The following ZNF555 variants were observed in gnomAD, a reference collection of about 807,000 sequenced individuals.
ZNF555 encodes the protein zinc finger protein 555.
In ZNF555, 10 loss-of-function variants were observed where a neutral mutation model predicts 14.0. That is an observed-to-expected ratio of 0.72 (90% CI 0.44 to 1.21). The LOEUF is 1.21. Among genes scored for constraint, ZNF555 ranks in the 50% most tolerant of loss-of-function variants. The pLI is 0.00. For synonymous variants in ZNF555, 277 were observed against 262.4 expected, an observed-to-expected ratio of 1.06 and a Z score of -0.54; for missense variants, 747 against 762.0, an observed-to-expected ratio of 0.98 and a Z score of 0.23.
At chr19:2,847,776 A>G (rs976050949) in intron 1 of ZNF555, among the ~76,000 whole-genome samples, 1 of 152,342 alleles carries the variant, frequency 6.6e-6, no homozygotes, top group African/African-American at 2.4e-5. Flanking sequence ...AGTCACAGGT[A>G]CCAGGAATTA....
intron 3 of ZNF555, 82 bp from the exon 4 acceptor site, chr19:2,852,298 A>G (rs2087636757): frequency 1.9e-6 from 3 of 1,545,360 alleles, no homozygotes; most frequent in African/African-American, 1.4e-5. Flanking sequence ...TTTCACTGAA[A>G]ATGGTTAAGA....
At chr19:2,842,310 A>G (rs2087544550) in intron 1 of ZNF555, among the ~76,000 whole-genome samples, 3 of 152,214 alleles carry the variant, frequency 2.0e-5, no homozygotes. Flanking sequence ...AAAAAAAACA[A>G]GGGTTCCTGG....
rs115279075 is a variant in ZNF555, at chr19:2,851,903, C to A, written c.314+252C>A. Among the ~76,000 whole-genome samples the A allele has an allele frequency of 7.9e-3, 1,197 of 152,282 alleles. 13 individuals are homozygous for A. Among genetic ancestry groups the A allele is most frequent in the African/African-American group, 0.028 (1,152 of 41,542 alleles). On this transcript the variant is annotated intron_variant, in intron 3 of 3. Transcript: ENST00000334241. Reference sequence around the variant, plus strand: ...CGGTGGCTCACACCTGTAATCCTGGCACTTTGGAAGGCTGAAGTGGGCAGA... The same window carrying A: ...CGGTGGCTCACACCTGTAATCCTGGAACTTTGGAAGGCTGAAGTGGGCAGA...
At position 2,853,153 on chromosome 19, in the gene ZNF555, C is replaced by A; in HGVS notation, c.1088C>A (p.Thr363Asn). The change falls in exon 4 of 4, where the codon ACT becomes AAT. Residue 363 changes from threonine (T) to asparagine (N), a missense_variant. Thr to Asn is a moderately conservative substitution (Grantham distance 65). Transcript: ENST00000334241. ...TTTCGAAGACATGAAAGGATTCACACTGGAGAGAAACCCTACGAATGCAAA... is the reference window on the plus strand; with the variant it reads ...TTTCGAAGACATGAAAGGATTCACAATGGAGAGAAACCCTACGAATGCAAA... ...QSFRRHERIH[T>N]GEKPYECKQC... 1 of 1,614,034 alleles carries A rather than the reference C, an allele frequency of 6.2e-7. No individual in the cohort carries two copies. Among genetic ancestry groups the A allele is most frequent in the Admixed American group, 1.7e-5 (1 of 60,012 alleles).
In ZNF555 at chr19:2,853,982, G is replaced by C. The variant is rs1446358210; in HGVS notation, c.*30G>C. 6.2e-7 allele frequency: 1 copy of C among 1,610,470 alleles called. No homozygotes were observed. The highest frequency in any genetic ancestry group is 8.5e-7 in the Non-Finnish European group (1 of 1,179,320). ...CTTATCCTGAAAGTGGACACTCAAG[G>C]AGTGTGTCTGTAGTTCATTTGCAAA... is the stretch of plus-strand genomic sequence containing the variant. On this transcript the variant is annotated 3_prime_UTR_variant, in exon 4 of 4. Transcript: ENST00000334241.
In ZNF555 at chr19:2,853,422, G is replaced by C; in HGVS notation, c.1357G>C (p.Glu453Gln). The change falls in exon 4 of 4, where the codon GAA becomes CAA. Residue 453 changes from glutamate to glutamine, a missense_variant. By Grantham distance (29) the Glu-to-Gln change is conservative. Transcript: ENST00000334241. ...AACACATACTAGAGAGAAACCCTAT[G>C]AATGTAAGCAGTGTGGGAAAGCCTT... is the stretch of plus-strand genomic sequence containing the variant. ...MRTHTREKPY[E>Q]CKQCGKAFSL... The C allele has an allele frequency of 6.2e-7, 1 of 1,614,114 alleles. No individual in the cohort carries two copies. The highest frequency in any genetic ancestry group is 1.3e-5 in the African/African-American group (1 of 75,054).
At chr19:2,847,933 T>A (rs1477226450) in intron 1 of ZNF555, among the ~76,000 whole-genome samples, 1 of 152,148 alleles carries the variant, frequency 6.6e-6, no homozygotes, top group East Asian at 1.9e-4. Context: ...CAGCCTTTTT[T>A]TTAACCAGCA....
rs2087710074 is a variant in ZNF555 at position 2,859,174 on chromosome 19, T to G, written c.*5222T>G. ...GGCTCGCGTCTAAAAGAGCTGTGCT[T>G]TGTTGGGGCTATCTGGGAGTTTCCG... On this transcript the variant is annotated 3_prime_UTR_variant, in exon 4 of 4. Coordinates refer to ENST00000334241, the MANE Select transcript of ZNF555 (RefSeq NM_152791.5). 1 of 152,154 alleles carries G rather than the reference T, an allele frequency of 6.6e-6. No homozygotes were observed. Among genetic ancestry groups the G allele is most frequent in the Non-Finnish European group, 1.5e-5 (1 of 68,030 alleles). The allele number at this position is 152,154 out of a possible 1,614,324, so 9.4% of individuals were successfully genotyped here. A position where few individuals can be genotyped will look rare whatever the true frequency, so the allele number is the denominator to read the frequency against.
rs1392563643 is a variant in ZNF555, at chr19:2,856,460, C to T, written c.*2508C>T. 6.6e-6 allele frequency: 1 copy of T among 152,212 alleles called. No homozygotes were observed. Among genetic ancestry groups the T allele is most frequent in the African/African-American group, 2.4e-5 (1 of 41,450 alleles). The allele number at this position is 152,212 out of a possible 1,614,324, so 9.4% of individuals were successfully genotyped here. A position where few individuals can be genotyped will look rare whatever the true frequency, so the allele number is the denominator to read the frequency against. ...CCTCAGGTGATCTGCCCACCTTGGC[C>T]TCCCAAAGTGTTGGGATTACAGGCA... is the stretch of plus-strand genomic sequence containing the variant. On this transcript the variant is annotated 3_prime_UTR_variant, in exon 4 of 4. Transcript: ENST00000334241.
chr19:2,843,860 CTTTG>C (rs1203674141), intron 1 of ZNF555, among the ~76,000 whole-genome samples: 3 of 151,898 alleles, frequency 2.0e-5, no homozygotes, highest in Non-Finnish European at 4.4e-5. Context: ...TGTCCCTTTA[CTTTG>C]TTTTTTTGTT....
rs2087566891 is a variant in ZNF555 at position 2,844,533 on chromosome 19, C to T, written c.3+2958C>T. Among the ~76,000 whole-genome samples the T allele has an allele frequency of 4.6e-5, 7 of 152,366 alleles. No homozygotes were observed. In the South Asian group the frequency reaches 1.4e-3, roughly 32 times the overall value. The stretch of plus-strand genomic sequence containing the variant: ...GAATTATAGGTGTGAACCACCATGC[C>T]CCCAACCAGGGTGTTTTAAAATTGG... On this transcript the variant is annotated intron_variant, in intron 1 of 3. Transcript: ENST00000334241.
rs2087704701 is a variant in ZNF555, at chr19:2,858,680, G to A, written c.*4728G>A. The A allele has an allele frequency of 6.6e-6, 1 of 152,286 alleles. No individual in the cohort carries two copies. Among genetic ancestry groups the A allele is most frequent in the African/African-American group, 2.4e-5 (1 of 41,440 alleles). 9.4% of individuals were successfully genotyped at this position (152,286 alleles called of 1,614,324 possible). ...CCTGCGTTGTGAGGTGAGAGAAGAG[G>A]CAGTGGCAGAACCCATGCCATGGAG... On this transcript the variant is annotated 3_prime_UTR_variant, in exon 4 of 4. Transcript: ENST00000334241.
intron 1 of ZNF555, among the ~76,000 whole-genome samples, chr19:2,841,808 C>G (rs1163778928): frequency 6.6e-6 from 1 of 151,184 alleles, no homozygotes; most frequent in East Asian, 2.0e-4. Flanking sequence ...GGCTGCAGAG[C>G]GGGGAGCGGC....
Position 2,852,546 on chromosome 19 carries a change from A to T in ZNF555, c.481A>T (p.Ser161Cys). Residue 161 changes from serine (S) to cysteine (C), a missense_variant, in exon 4 of 4, where the codon AGT becomes TGT. Transcript: ENST00000334241. ...VFMHRRTSLK[S>C]PITVHTGHKP... ...CATGCATCGCCGCACATCCCTCAAG[A>T]GTCCCATCACAGTTCACACTGGACA... is the stretch of plus-strand genomic sequence containing the variant. 6.2e-7 allele frequency: 1 copy of T among 1,614,112 alleles called. No individual in the cohort carries two copies. The highest frequency in any genetic ancestry group is 2.2e-5 in the East Asian group (1 of 44,888).
At position 2,847,818 on chromosome 19, in the gene ZNF555, T is replaced by A. The variant is rs141994187; in HGVS notation, c.4-2769T>A. On this transcript the variant is annotated intron_variant, in intron 1 of 3. Coordinates refer to ENST00000334241, the MANE Select transcript of ZNF555 (RefSeq NM_152791.5). ...GGACATATCTTTCTGGGGGACCACG[T>A]CACAAGAAACCGCTGGCAGTTCAGC... Among the ~76,000 whole-genome samples the A allele has an allele frequency of 5.0e-3, 767 of 152,278 alleles. 9 individuals are homozygous for A. Among genetic ancestry groups the A allele is most frequent in the African/African-American group, 0.018 (745 of 41,562 alleles).
chr19:2,851,769 C>A, intron 3 of ZNF555, 118 bp downstream of exon 3: 1 of 913,116 alleles, frequency 1.1e-6, no homozygotes, highest in Non-Finnish European at 1.5e-6. Flanking sequence ...TTTGTTTAAT[C>A]CACAGAATTT....
At chr19:2,842,149 G>C (rs1003004999) in intron 1 of ZNF555, among the ~76,000 whole-genome samples, 1 of 152,114 alleles carries the variant, frequency 6.6e-6, no homozygotes, top group Admixed American at 6.5e-5. Flanking sequence ...GGGACAGCCC[G>C]GGAGCGGTGG....
intron 2 of ZNF555, 109 bp from the exon 3 acceptor site, chr19:2,851,359 C>A: frequency 1.2e-6 from 1 of 866,436 alleles, no homozygotes; most frequent in East Asian, 2.8e-5. Flanking sequence ...AGTTGCTTAC[C>A]TTTTTGACCA....
rs1226910504 is a variant in ZNF555 at position 2,853,978 on chromosome 19, C to G, written c.*26C>G. 6 of 1,611,070 alleles carry G rather than the reference C, an allele frequency of 3.7e-6. No homozygotes were observed. Among genetic ancestry groups the G allele is most frequent in the Non-Finnish European group, 5.1e-6 (6 of 1,179,480 alleles). ...GTTCCTTATCCTGAAAGTGGACACT[C>G]AAGGAGTGTGTCTGTAGTTCATTTG... On this transcript the variant is annotated 3_prime_UTR_variant, in exon 4 of 4. Coordinates refer to ENST00000334241, the MANE Select transcript of ZNF555 (RefSeq NM_152791.5).
Sources: gnomAD v4.1 joint callset for allele counts (sites outside exome capture counted in the v4.1 genomes callset) on GRCh38, gnomAD v4.1.1 for gene constraint, MANE v1.5 for transcripts, NCBI Gene and HGNC (gene_info 2026-07-23, HGNC 2026-07-21) for gene names.